Variants in CCDC122 observed in about 807,000 individuals in gnomAD.
CCDC122 encodes coiled-coil domain containing 122.
In CCDC122, 38 loss-of-function variants were observed where a neutral mutation model predicts 37.0. The observed-to-expected ratio is 1.03, with a 90% confidence interval of 0.79 to 1.35. The LOEUF (loss-of-function observed/expected upper bound fraction) is 1.35, where lower values mean the gene tolerates loss of function less well. Ranked by LOEUF, CCDC122 falls within the 40% of genes most tolerant of loss-of-function variation. The pLI is 0.00. For missense variants in CCDC122, 305 were observed against 310.0 expected (o/e 0.98, Z 0.12); for synonymous variants, 83 against 95.6 (o/e 0.87, Z 0.77).
Position 43,859,699 on chromosome 13 carries a change from T to C in CCDC122, c.528A>G (p.Pro176=), listed in dbSNP as rs1467186563. The change falls in exon 5 of 7, where the codon CCA becomes CCG. Residue 176 remains proline, a synonymous_variant. Coordinates refer to ENST00000444614, the MANE Select transcript of CCDC122 (RefSeq NM_144974.5). ...KEELMQDLQN[P]GGNRITQVQE... ...GTACTTGTGTTATTCGGTTCCCTCC[T>C]GGATTTTGAAGATCTTGCATAAGTT... 2 of 1,570,702 alleles carry C rather than the reference T, an allele frequency of 1.3e-6. No individual in the cohort carries two copies. Among genetic ancestry groups the C allele is most frequent in the Non-Finnish European group, 1.7e-6 (2 of 1,165,368 alleles).
intron 3 of CCDC122, among the ~76,000 whole-genome samples, chr13:43,824,284 A>C (rs540456116): frequency 6.6e-6 from 1 of 152,294 alleles, no homozygotes; most frequent in South Asian, 2.1e-4. Context: ...CTTTCATAGG[A>C]CAATGTGAAG....
chr13:43,849,208 C>T (rs1953643518), intron 6 of CCDC122: 2 of 339,962 alleles, frequency 5.9e-6, no homozygotes, highest in Non-Finnish European at 8.3e-6. Flanking sequence ...AGAGGGGTCC[C>T]TATTATGAAA....
At chr13:43,843,884 G>A (rs182634286) in intron 6 of CCDC122, among the ~76,000 whole-genome samples, 1 of 151,504 alleles carries the variant, frequency 6.6e-6, no homozygotes, top group East Asian at 1.9e-4. Context: ...TTCATAATAG[G>A]CCTTCATCAC....
chr13:43,863,114 C>G (rs1308519209), intron 4 of CCDC122, among the ~76,000 whole-genome samples: 2 of 152,056 alleles, frequency 1.3e-5, no homozygotes, highest in Non-Finnish European at 1.5e-5. Flanking sequence ...ATCACCACAA[C>G]TAAGATAATA....
rs764302667 is a variant in CCDC122 at position 43,859,898 on chromosome 13, T to G, written c.329A>C (p.Asp110Ala). The part of the protein sequence containing the change: ...LHSENVKLKF[D>A]IETAQEDFEE... ...AAAATCTTCTTGGGCTGTTTCTATG[T>G]CAAATTTAAGCTTTACATTTTCTGA... The change falls in exon 5 of 7, where the codon GAC (aspartate) becomes GCC (alanine). Residue 110 changes from aspartate to alanine, a missense_variant. Coordinates refer to ENST00000444614, the MANE Select transcript of CCDC122 (RefSeq NM_144974.5). 6.2e-7 allele frequency: 1 copy of G among 1,608,314 alleles called. No individual in the cohort carries two copies. The highest frequency in any genetic ancestry group is 8.5e-7 in the Non-Finnish European group (1 of 1,177,952).
intron 3 of CCDC122, among the ~76,000 whole-genome samples, chr13:43,826,244 T>C (rs1953039886): frequency 6.6e-6 from 1 of 152,212 alleles, no homozygotes; most frequent in Non-Finnish European, 1.5e-5. Context: ...TAAATAGTGC[T>C]ATATTGTTAA....
At chr13:43,873,657 C>T (rs1415030969) in intron 2 of CCDC122, among the ~76,000 whole-genome samples, 2 of 152,202 alleles carry the variant, frequency 1.3e-5, no homozygotes, top group East Asian at 3.8e-4. Context: ...CACTCTTTTT[C>T]CATTACAAGC....
At chr13:43,845,968 G>A (rs1299610242) in intron 6 of CCDC122, among the ~76,000 whole-genome samples, 5 of 152,036 alleles carry the variant, frequency 3.3e-5, no homozygotes, top group Non-Finnish European at 7.4e-5. Context: ...CCTGTAGAAC[G>A]TTTAACATAC....
chr13:43,827,879 G>C (rs1953054000), intron 3 of CCDC122, among the ~76,000 whole-genome samples: 1 of 152,180 alleles, frequency 6.6e-6, no homozygotes, highest in African/African-American at 2.4e-5. Flanking sequence ...TGTCCTAAAG[G>C]TGGAGTTGGA....
intron 3 of CCDC122, among the ~76,000 whole-genome samples, chr13:43,869,080 T>C (rs1954365131): frequency 1.3e-5 from 2 of 152,042 alleles, no homozygotes; most frequent in Non-Finnish European, 2.9e-5. Context: ...TCCAGACCAC[T>C]TGCACATATA....
chr13:43,870,632 C>T (rs1181724672), intron 2 of CCDC122, among the ~76,000 whole-genome samples: 1 of 151,862 alleles, frequency 6.6e-6, no homozygotes, highest in Non-Finnish European at 1.5e-5. Flanking sequence ...TATTCTGTGC[C>T]AGATGGTGTT....
At chr13:43,861,489 A>G (rs950040949) in intron 4 of CCDC122, among the ~76,000 whole-genome samples, 2 of 152,194 alleles carry the variant, frequency 1.3e-5, no homozygotes, top group South Asian at 2.1e-4. Context: ...CTTCTTTTAA[A>G]TAACTGTCTA....
intron 1 of CCDC122, among the ~76,000 whole-genome samples, chr13:43,878,976 C>A (rs1465004702): frequency 6.6e-6 from 1 of 152,096 alleles, no homozygotes; most frequent in African/African-American, 2.4e-5. Flanking sequence ...TGACTTGAGC[C>A]CTGCATGGGA....
At chr13:43,849,437 C>G (rs1237616746) in intron 6 of CCDC122, among the ~76,000 whole-genome samples, 1 of 152,148 alleles carries the variant, frequency 6.6e-6, no homozygotes, top group Admixed American at 6.5e-5. Context: ...ACATTTTATA[C>G]AAAACAAACA....
At chr13:43,833,520 T>A (rs1259501147), downstream of CCDC122, among the ~76,000 whole-genome samples, 1 of 151,790 alleles carries the variant, frequency 6.6e-6, no homozygotes. Context: ...AATCAAGGAG[T>A]GGGGAAGAAT....
At chr13:43,834,550 A>C (rs932327844), downstream of CCDC122, among the ~76,000 whole-genome samples, 1 of 152,230 alleles carries the variant, frequency 6.6e-6, no homozygotes, top group African/African-American at 2.4e-5. Context: ...AAATTTTTGC[A>C]ATCTACTCAT....
intron 4 of CCDC122, among the ~76,000 whole-genome samples, chr13:43,864,381 T>C (rs1954207609): frequency 6.6e-6 from 1 of 152,150 alleles, no homozygotes; most frequent in South Asian, 2.1e-4. Context: ...GGGTAATTTA[T>C]TCAAAAAAGG....
chr13:43,836,123 A>G (rs1953153984), downstream of CCDC122, among the ~76,000 whole-genome samples: 1 of 152,246 alleles, frequency 6.6e-6, no homozygotes. Context: ...ATTTAATCCT[A>G]CAAATGAATA....
chr13:43,842,661 A>C (rs2153870608), intron 6 of CCDC122, among the ~76,000 whole-genome samples: 1 of 152,182 alleles, frequency 6.6e-6, no homozygotes. Context: ...AACTATGAAC[A>C]TAGGATATCA....
Sources: allele counts gnomAD v4.1 joint callset (sites outside exome capture counted in the v4.1 genomes callset), GRCh38; gene constraint gnomAD v4.1.1; transcripts MANE v1.5; gene names NCBI Gene and HGNC (gene_info 2026-07-23, HGNC 2026-07-21).